ZNF536: variants seen among roughly 807,000 people sequenced by gnomAD.
ZNF536 encodes zinc finger protein 536.
ZNF536 carries 13 observed loss-of-function variants against 84.5 expected under a neutral mutation model. That is an observed-to-expected ratio of 0.15 (90% CI 0.10 to 0.24). The LOEUF is 0.24. ZNF536 is among the 10% of genes least tolerant of loss of function. The probability of loss-of-function intolerance (pLI) is 1.00; values close to 1 mark genes in which losing one functional copy is unlikely to be tolerated. For missense variants in ZNF536, 1,536 were observed against 1,747.5 expected (o/e 0.88, Z 2.16); for synonymous variants, 811 against 742.5 (o/e 1.09, Z -1.50).
intron 1 of ZNF536, among the ~76,000 whole-genome samples, chr19:30,610,040 A>G (rs933640392): frequency 2.0e-5 from 3 of 152,194 alleles, no homozygotes; most frequent in African/African-American, 4.8e-5. Context: ...TCAGCCATCC[A>G]TCCACTCATC....
intron 1 of ZNF536, among the ~76,000 whole-genome samples, chr19:30,681,970 C>T (rs142661711): frequency 1.5e-4 from 23 of 152,216 alleles, no homozygotes; most frequent in Non-Finnish European, 2.5e-4. Context: ...CTTCCGTAAG[C>T]GATTTGTGCA....
At chr19:30,705,905 C>T (rs767334581) in intron 1 of ZNF536, among the ~76,000 whole-genome samples, 1 of 152,094 alleles carries the variant, frequency 6.6e-6, no homozygotes, top group African/African-American at 2.4e-5. Context: ...ATACATTTGG[C>T]TATTACCAAG....
At chr19:30,624,922 T>G (rs1600070123) in intron 1 of ZNF536, among the ~76,000 whole-genome samples, 1 of 152,200 alleles carries the variant, frequency 6.6e-6, no homozygotes, top group Non-Finnish European at 1.5e-5. Context: ...CTTTCCTCAC[T>G]CTTCTCTCTC....
intron 1 of ZNF536, among the ~76,000 whole-genome samples, chr19:30,644,406 T>C (rs2049386423): frequency 6.6e-6 from 1 of 152,162 alleles, no homozygotes. Flanking sequence ...AGGGTACATG[T>C]GCACAACATG....
At chr19:30,462,924 T>G (rs60500351) in intron 2 of ZNF536, among the ~76,000 whole-genome samples, 12,732 of 143,630 alleles carry the variant, frequency 0.089, 1,899 homozygotes, top group African/African-American at 0.28. Flanking sequence ...GTGTGTTGTG[T>G]GGATAAGGAT....
At chr19:30,419,171 A>G (rs925431094) in intron 1 of ZNF536, among the ~76,000 whole-genome samples, 5 of 152,174 alleles carry the variant, frequency 3.3e-5, no homozygotes, top group African/African-American at 1.2e-4. Flanking sequence ...TTGAAATGTT[A>G]TCATGGGCAT....
intron 2 of ZNF536, among the ~76,000 whole-genome samples, chr19:30,514,309 C>T (rs2055543458): frequency 6.6e-6 from 1 of 152,152 alleles, no homozygotes; most frequent in East Asian, 1.9e-4. Flanking sequence ...AGTCTGTTTT[C>T]ACCCTGAGCC....
chr19:30,328,398 G>A (rs2047105373), intron 2 of ZNF536, among the ~76,000 whole-genome samples: 1 of 152,158 alleles, frequency 6.6e-6, no homozygotes, highest in Non-Finnish European at 1.5e-5. Context: ...CCCTGACAAG[G>A]CAGAAGAGGA....
chr19:30,355,866 G>A (rs956655759), intron 3 of ZNF536, among the ~76,000 whole-genome samples: 10 of 152,150 alleles, frequency 6.6e-5, no homozygotes, highest in Admixed American at 3.9e-4. Flanking sequence ...AAGTGGCACA[G>A]TTTCACCCGA....
intron 1 of ZNF536, among the ~76,000 whole-genome samples, chr19:30,663,650 A>G (rs1467239460): frequency 6.6e-6 from 1 of 152,186 alleles, no homozygotes; most frequent in Non-Finnish European, 1.5e-5. Flanking sequence ...TGAAATGTCA[A>G]AGAGTGCAGA....
At chr19:30,668,435 G>A (rs1320577842) in intron 1 of ZNF536, 1 of 152,308 alleles carries the variant, frequency 6.6e-6, no homozygotes, top group Non-Finnish European at 1.5e-5. Context: ...CTGAGTTTTT[G>A]TGTGGGGGCG....
At position 30,545,385 on chromosome 19, in the gene ZNF536, C is replaced by CTTTT. The variant is rs772761287; in HGVS notation, c.2324-2531_2324-2528dup. 2.6e-3 allele frequency among the ~76,000 whole-genome samples: 176 copies of CTTTT among 67,682 alleles called. 24 individuals are homozygous for CTTTT. Among genetic ancestry groups the CTTTT allele is most frequent in the African/African-American group, 4.0e-3 (67 of 16,736 alleles). The allele number at this position is 67,682 out of a possible 152,430, so 44.4% of individuals were successfully genotyped here. On this transcript the variant is annotated intron_variant, in intron 3 of 4. Transcript: ENST00000355537. ...TTAAGTACTACCCGCTCCCATATGT[C>CTTTT]TTTTTTTTTTTTTTTTTTTTTTTTT...
chr19:30,469,627 A>T (rs996661851), intron 2 of ZNF536, among the ~76,000 whole-genome samples: 1 of 152,168 alleles, frequency 6.6e-6, no homozygotes, highest in Non-Finnish European at 1.5e-5. Context: ...GGTAGTTCTC[A>T]ATTAATGGAA....
At chr19:30,427,279 CA>C (rs1334898719) in intron 1 of ZNF536, among the ~76,000 whole-genome samples, 1 of 152,188 alleles carries the variant, frequency 6.6e-6, no homozygotes, top group African/African-American at 2.4e-5. Flanking sequence ...AACTCTCATT[CA>C]TGGGATGCAG....
chr19:30,298,931 G>A (rs2046091988), intron 2 of ZNF536, among the ~76,000 whole-genome samples: 1 of 152,164 alleles, frequency 6.6e-6, no homozygotes, highest in African/African-American at 2.4e-5. Context: ...ACTTCTAAGA[G>A]TCCCTCCAAT....
At chr19:30,676,666 T>G (rs1600232430) in intron 1 of ZNF536, among the ~76,000 whole-genome samples, 1 of 152,372 alleles carries the variant, frequency 6.6e-6, no homozygotes, top group East Asian at 1.9e-4. Flanking sequence ...TTATTCCAAT[T>G]TAGAAACAGT....
In ZNF536 at chr19:30,443,653, G is replaced by A. The variant is rs751490027; in HGVS notation, c.91G>A (p.Ala31Thr). 8 of 1,613,430 alleles carry A rather than the reference G, an allele frequency of 5.0e-6. No individual in the cohort carries two copies. Among genetic ancestry groups the A allele is most frequent in the Non-Finnish European group, 6.8e-6 (8 of 1,179,876 alleles). ...LSGPVLNGQY[A>T]MSQKLHQITS... ...TGGCCCCGTCCTCAACGGCCAGTAT[G>A]CCATGAGTCAGAAGCTGCACCAGAT... Residue 31 changes from alanine to threonine, a missense_variant, in exon 2 of 5, where the codon GCC becomes ACC. By Grantham distance (58) the Ala-to-Thr change is moderately conservative. Around this residue, in one of 8 missense-constraint regions of ZNF536, gnomAD observed 161 missense variants for 178.5 expected, o/e 0.90. Coordinates refer to ENST00000355537, the MANE Select transcript of ZNF536 (RefSeq NM_014717.3).
At chr19:30,373,372 T>C (rs1364473874) in intron 1 of ZNF536, among the ~76,000 whole-genome samples, 1 of 152,082 alleles carries the variant, frequency 6.6e-6, no homozygotes, top group Non-Finnish European at 1.5e-5. Flanking sequence ...GTTCTGTTGT[T>C]CTTTTTTTTT....
chr19:30,333,547 TC>T (rs757544508), intron 2 of ZNF536, among the ~76,000 whole-genome samples: 29 of 152,348 alleles, frequency 1.9e-4, no homozygotes, highest in Admixed American at 1.0e-3. Context: ...GTCTGGGGCT[TC>T]CTGCAGGCCT....
Sources: gnomAD v4.1 joint callset for allele counts (sites outside exome capture counted in the v4.1 genomes callset) on GRCh38, gnomAD v4.1.1 for gene constraint, gnomAD v4.1.1 regional missense constraint, MANE v1.5 for transcripts, NCBI Gene and HGNC (gene_info 2026-07-23, HGNC 2026-07-21) for gene names.